SERINC3: variants seen among roughly 807,000 people sequenced by gnomAD.
The protein encoded by SERINC3 is tumor differentially expressed protein 1.
SERINC3 carries 22 observed loss-of-function variants against 52.1 expected under a neutral mutation model. That is an observed-to-expected ratio of 0.42 (90% CI 0.30 to 0.60). SERINC3 has a LOEUF of 0.60. Among genes scored for constraint, SERINC3 ranks in the 20% least tolerant of loss-of-function variants. SERINC3 has a pLI of 0.16. For synonymous variants in SERINC3, 226 were observed against 212.7 expected, an observed-to-expected ratio of 1.06 and a Z score of -0.54; for missense variants, 564 against 584.6, an observed-to-expected ratio of 0.96 and a Z score of 0.36.
At position 44,509,733 on chromosome 20, in the gene SERINC3, C is replaced by T. The variant is rs180806708; in HGVS notation, c.613+158G>A. Reference sequence around the variant, plus strand: ...AATGTAAAGATGGAGTCTCAATATGCTGCCTAGACTGGTCTTGAACTCCTG... The same window carrying T: ...AATGTAAAGATGGAGTCTCAATATGTTGCCTAGACTGGTCTTGAACTCCTG... On this transcript the variant is annotated intron_variant, in intron 5 of 9. Transcript: ENST00000342374. 1.1e-4 allele frequency among the ~76,000 whole-genome samples: 16 copies of T among 152,174 alleles called. No individual in the cohort carries two copies. The East Asian group carries it at 2.3e-3, about 22-fold the overall frequency.
At chr20:44,506,705 TATA>T in intron 6 of SERINC3, 119 bp downstream of exon 6, 4 of 536,700 alleles carry the variant, frequency 7.5e-6, no homozygotes, top group South Asian at 6.9e-5. Flanking sequence ...ATGAAGACTT[TATA>T]ATATGGAAAA....
intron 8 of SERINC3, among the ~76,000 whole-genome samples, chr20:44,502,020 T>G (rs1012657001): frequency 1.3e-5 from 2 of 152,086 alleles, no homozygotes; most frequent in Non-Finnish European, 2.9e-5. Flanking sequence ...AGAGCTAACA[T>G]CATACTTAAC....
rs776277633 is a variant in SERINC3 at position 44,500,391 on chromosome 20, C to G, written c.1327G>C (p.Val443Leu). 21 of 1,590,768 alleles carry G rather than the reference C, an allele frequency of 1.3e-5. No homozygotes were observed. The highest frequency in any genetic ancestry group is 1.7e-5 in the Non-Finnish European group (20 of 1,168,140). The change falls in exon 10 of 10, where the codon GTG becomes CTG. Residue 443 changes from valine to leucine, a missense_variant. Val to Leu is a conservative substitution (Grantham distance 32). Coordinates refer to ENST00000342374, the MANE Select transcript of SERINC3 (RefSeq NM_006811.4). ...CAGCTGGAGCTGATCTTGACCCACA[C>G]AGCTGGCCACTTGCTGGTCATGCTC... is the stretch of plus-strand genomic sequence containing the variant. ...FQSMTSKWPA[V>L]WVKISSSWVC...
chr20:44,520,305 G>A (rs2064407882), intron 1 of SERINC3, among the ~76,000 whole-genome samples: 1 of 152,136 alleles, frequency 6.6e-6, no homozygotes, highest in African/African-American at 2.4e-5. Flanking sequence ...GGAGGTTGAA[G>A]AGAGCCGAGA....
At chr20:44,513,605 A>G (rs1269893006) in intron 2 of SERINC3, among the ~76,000 whole-genome samples, 2 of 152,150 alleles carry the variant, frequency 1.3e-5, no homozygotes, top group African/African-American at 2.4e-5. Flanking sequence ...TCCAGTTTAG[A>G]TGCTTCGACC....
rs1374011323 is a variant in SERINC3 at position 44,500,444 on chromosome 20, CAA to C, written c.1284-12_1284-11del. The C allele has an allele frequency of 7.7e-6, 12 of 1,557,026 alleles. No homozygotes were observed. The highest frequency in any genetic ancestry group is 2.0e-5 in the Admixed American group (1 of 51,244). ...AAACTTTGCATCAGGGCTAAGAAAA[CAA>C]GAGAGAGTCAGGTAGAAAAGCCTGG... On this transcript the variant is annotated splice_polypyrimidine_tract_variant and intron_variant, in intron 9 of 9. Coordinates refer to ENST00000342374, the MANE Select transcript of SERINC3 (RefSeq NM_006811.4).
intron 4 of SERINC3, 110 bp from the exon 5 acceptor site, chr20:44,510,138 T>C: frequency 9.6e-7 from 1 of 1,041,432 alleles, no homozygotes; most frequent in Non-Finnish European, 1.4e-6. Flanking sequence ...GTAAAGACAT[T>C]CTGTCTCCAG....
chr20:44,515,926 A>G (rs771719310), intron 1 of SERINC3, among the ~76,000 whole-genome samples: 1 of 152,078 alleles, frequency 6.6e-6, no homozygotes, highest in Admixed American at 6.6e-5. Flanking sequence ...AAAGTGCTGG[A>G]TTACAGGCGT....
At chr20:44,517,991 T>C (rs79141801) in intron 1 of SERINC3, among the ~76,000 whole-genome samples, 1,592 of 152,302 alleles carry the variant, frequency 0.01, 13 homozygotes, top group Non-Finnish European at 0.016. Flanking sequence ...ATGCCTTCCC[T>C]TTTCCCAAAA....
intron 3 of SERINC3, among the ~76,000 whole-genome samples, chr20:44,512,325 C>CAAAAAAAAAAAAA (rs920134707): frequency 4.3e-4 from 21 of 49,246 alleles, no homozygotes; most frequent in African/African-American, 7.0e-4. Flanking sequence ...AAAAACAAAA[C>CAAAAAAAAAAAAA]AAAAAAAAAA....
intron 6 of SERINC3, 47 bp from the exon 7 acceptor site, chr20:44,504,938 G>A (rs2123039711): frequency 6.7e-7 from 1 of 1,486,116 alleles, no homozygotes; most frequent in Non-Finnish European, 9.4e-7. Context: ...GCCAAGGGCT[G>A]ACTTTCCAAA....
At chr20:44,503,786 A>C in intron 8 of SERINC3, 29 bp downstream of exon 8, 1 of 1,475,712 alleles carries the variant, frequency 6.8e-7, no homozygotes, top group Non-Finnish European at 9.0e-7. Context: ...CCTCCATGAA[A>C]ATCTTGTTCT....
chr20:44,514,601 T>C (rs2064368561), intron 1 of SERINC3, among the ~76,000 whole-genome samples: 1 of 151,446 alleles, frequency 6.6e-6, no homozygotes, highest in African/African-American at 2.4e-5. Context: ...CTACTAAAAA[T>C]ACAGAAAAAA....
intron 1 of SERINC3, among the ~76,000 whole-genome samples, chr20:44,515,746 G>A (rs2064376432): frequency 6.6e-6 from 1 of 151,644 alleles, no homozygotes; most frequent in Non-Finnish European, 1.5e-5. Context: ...CACCTCCTGA[G>A]TTCAAGCAAT....
chr20:44,500,504 C>G, intron 9 of SERINC3, 70 bp from the exon 10 acceptor site: 2 of 1,533,102 alleles, frequency 1.3e-6, no homozygotes, highest in Non-Finnish European at 8.8e-7. Context: ...CCTGCAGCCC[C>G]CCAGCCAAGG....
In SERINC3 at chr20:44,507,238, T is replaced by C. The variant is rs139743398; in HGVS notation, c.614-242A>G. Reference sequence around the variant, plus strand: ...TCCTGAATTACCTGATTTGATTTCATGGGTTGATTACCAGACATTTGATCA... The same window carrying C: ...TCCTGAATTACCTGATTTGATTTCACGGGTTGATTACCAGACATTTGATCA... On this transcript the variant is annotated intron_variant, in intron 5 of 9. Coordinates refer to ENST00000342374, the MANE Select transcript of SERINC3 (RefSeq NM_006811.4). Among the ~76,000 whole-genome samples the C allele has an allele frequency of 2.0e-5, 3 of 152,366 alleles. No homozygotes were observed. In the East Asian group the frequency reaches 5.8e-4, roughly 29 times the overall value.
intron 8 of SERINC3, 76 bp from the exon 9 acceptor site, chr20:44,501,376 G>T: frequency 8.6e-7 from 1 of 1,165,846 alleles, no homozygotes; most frequent in Non-Finnish European, 1.3e-6. Context: ...CTGTATACAA[G>T]ACACTTACTG....
intron 1 of SERINC3, among the ~76,000 whole-genome samples, chr20:44,521,701 C>A (rs371720172): frequency 1.4e-4 from 21 of 152,226 alleles, no homozygotes; most frequent in South Asian, 1.2e-3. Context: ...GGCGGCCTAG[C>A]CTCTTCCGTT....
At position 44,497,447 on chromosome 20, in the gene SERINC3, G is replaced by A. The variant is rs2664559; in HGVS notation, c.*2849C>T. On this transcript the variant is annotated 3_prime_UTR_variant, in exon 10 of 10. Transcript: ENST00000342374. ...AAATTAATATCAGTTATCATCATGA[G>A]AAAAAAATAAAAACTTTATTGGACT... 6.6e-6 allele frequency: 1 copy of A among 152,018 alleles called. No individual in the cohort carries two copies. The highest frequency in any genetic ancestry group is 1.9e-4 in the East Asian group (1 of 5,202). The allele number at this position is 152,018 out of a possible 1,614,324, so 9.4% of individuals were successfully genotyped here.
Sources: allele counts gnomAD v4.1 joint callset (sites outside exome capture counted in the v4.1 genomes callset), GRCh38; gene constraint gnomAD v4.1.1; transcripts MANE v1.5; gene names NCBI Gene and HGNC (gene_info 2026-07-23, HGNC 2026-07-21).